The following FAM171A1 variants were observed in gnomAD, a reference collection of about 807,000 sequenced individuals.
FAM171A1 encodes family with sequence similarity 171 member A1.
FAM171A1 carries 23 observed loss-of-function variants against 74.9 expected under a neutral mutation model. The observed-to-expected ratio is 0.31, with a 90% CI of 0.22 to 0.44. The LOEUF (loss-of-function observed/expected upper bound fraction) is 0.44. Among genes scored for constraint, FAM171A1 ranks in the 20% least tolerant of loss-of-function variants. The pLI, the probability that FAM171A1 is intolerant of heterozygous loss-of-function variation, is 1.00. For missense variants in FAM171A1, 1,162 were observed against 1,159.2 expected (o/e 1.00, Z -0.03); for synonymous variants, 527 against 505.7 (o/e 1.04, Z -0.57).
chr10:15,288,226 G>A (rs562459028), intron 1 of FAM171A1, among the ~76,000 whole-genome samples: 2 of 152,262 alleles, frequency 1.3e-5, no homozygotes, highest in South Asian at 2.1e-4. Context: ...CTATAAACAT[G>A]CATATGCAAG....
intron 3 of FAM171A1, among the ~76,000 whole-genome samples, chr10:15,267,149 G>A (rs1834755165): frequency 1.3e-5 from 2 of 152,218 alleles, no homozygotes; most frequent in Non-Finnish European, 2.9e-5. Context: ...GGCTACTGCA[G>A]TGGTCTTGGT....
At chr10:15,314,105 G>A (rs752705631) in intron 1 of FAM171A1, among the ~76,000 whole-genome samples, 69 of 152,164 alleles carry the variant, frequency 4.5e-4, no homozygotes, top group Non-Finnish European at 8.4e-4. Flanking sequence ...AATGTGAAGC[G>A]TGACACGCCA....
chr10:15,265,252 C>T (rs944018664), intron 3 of FAM171A1, among the ~76,000 whole-genome samples: 16 of 150,122 alleles, frequency 1.1e-4, no homozygotes, highest in Non-Finnish European at 2.2e-4. Context: ...CGTGTGTGTG[C>T]GTGTGTGTGT....
intron 6 of FAM171A1, among the ~76,000 whole-genome samples, chr10:15,219,841 A>G (rs7078764): frequency 0.22 from 33,563 of 152,072 alleles, 3,942 homozygotes; most frequent in African/African-American, 0.3. Context: ...CGGCTTCCCA[A>G]AGTGCTGGGA....
chr10:15,270,154 C>A (rs1028927677), intron 3 of FAM171A1, among the ~76,000 whole-genome samples: 2 of 152,166 alleles, frequency 1.3e-5, no homozygotes, highest in Non-Finnish European at 2.9e-5. Context: ...CAGATGGTAC[C>A]TGGAAAATCG....
intron 1 of FAM171A1, among the ~76,000 whole-genome samples, chr10:15,333,741 T>C (rs1320123436): frequency 6.7e-6 from 1 of 149,966 alleles, no homozygotes; most frequent in Admixed American, 6.6e-5. Context: ...GGGACTGTCA[T>C]GGGAAGATTG....
intron 1 of FAM171A1, among the ~76,000 whole-genome samples, chr10:15,368,248 AGCCAAGCC>A (rs1836090662): frequency 1.3e-5 from 2 of 152,236 alleles, no homozygotes; most frequent in Admixed American, 1.3e-4. Flanking sequence ...GAGAGTCTGA[AGCCAAGCC>A]TCCAATTTTA....
intron 1 of FAM171A1, among the ~76,000 whole-genome samples, chr10:15,366,057 G>T (rs1836057329): frequency 6.6e-6 from 1 of 152,130 alleles, no homozygotes; most frequent in South Asian, 2.1e-4. Context: ...TTACACTGTA[G>T]AATTTCTTTT....
At chr10:15,301,360 ATATT>A (rs1397471601) in intron 1 of FAM171A1, among the ~76,000 whole-genome samples, 1 of 138,042 alleles carries the variant, frequency 7.2e-6, no homozygotes, top group African/African-American at 2.8e-5. Flanking sequence ...ATATATATAT[ATATT>A]TTTTTTTTTT....
At chr10:15,216,855 A>G (rs1011754083) in intron 6 of FAM171A1, among the ~76,000 whole-genome samples, 5 of 151,930 alleles carry the variant, frequency 3.3e-5, no homozygotes, top group Admixed American at 6.6e-5. Flanking sequence ...AAAACCCTAC[A>G]AAGTTTTATT....
chr10:15,264,869 A>G (rs764023292), intron 3 of FAM171A1, among the ~76,000 whole-genome samples: 1 of 151,758 alleles, frequency 6.6e-6, no homozygotes, highest in African/African-American at 2.4e-5. Flanking sequence ...CCATTTATTT[A>G]TCTACATGGT....
At chr10:15,262,707 T>G (rs986165434) in intron 3 of FAM171A1, among the ~76,000 whole-genome samples, 5 of 152,230 alleles carry the variant, frequency 3.3e-5, no homozygotes, top group African/African-American at 1.2e-4. Context: ...GAGTTTTGCT[T>G]TGAATGGCAA....
chr10:15,274,427 G>T (rs142202924), intron 3 of FAM171A1, among the ~76,000 whole-genome samples: 3,372 of 152,238 alleles, frequency 0.022, 125 homozygotes, highest in African/African-American at 0.078. Flanking sequence ...TCATGGATAG[G>T]AAAAATCAAT....
Position 15,212,960 on chromosome 10 carries a change from C to T in FAM171A1, c.2628G>A (p.Trp876Ter). The T allele has an allele frequency of 6.2e-7, 1 of 1,614,120 alleles. No homozygotes were observed. Among genetic ancestry groups the T allele is most frequent in the Non-Finnish European group, 8.5e-7 (1 of 1,180,030 alleles). Residue 876 changes from tryptophan to a stop codon, truncating the protein, a stop_gained, in exon 8 of 8, where the codon TGG (tryptophan) becomes TGA (stop). Coordinates refer to ENST00000378116, the MANE Select transcript of FAM171A1 (RefSeq NM_001010924.2). LOFTEE classifies it high-confidence loss of function. ...DDQGEDKKSP[W>*]QKREERPLMA... Reference sequence around the variant, plus strand: ...TCAGGGGCCTCTCCTCCCGTTTCTGCCAGGGGCTTTTCTTGTCTTCTCCTT... The same window carrying T: ...TCAGGGGCCTCTCCTCCCGTTTCTGTCAGGGGCTTTTCTTGTCTTCTCCTT...
At chr10:15,345,528 C>T (rs907513417) in intron 1 of FAM171A1, among the ~76,000 whole-genome samples, 3 of 151,974 alleles carry the variant, frequency 2.0e-5, no homozygotes, top group Non-Finnish European at 2.9e-5. Context: ...GCAGGGTGGC[C>T]GGGGAGTGAG....
chr10:15,357,377 A>C (rs1034831367), intron 1 of FAM171A1, among the ~76,000 whole-genome samples: 3 of 152,240 alleles, frequency 2.0e-5, no homozygotes, highest in Non-Finnish European at 1.5e-5. Flanking sequence ...ACCAGAGTAC[A>C]TAATGTCGAT....
intron 5 of FAM171A1, among the ~76,000 whole-genome samples, chr10:15,233,969 G>A (rs746054098): frequency 2.0e-5 from 3 of 151,624 alleles, no homozygotes; most frequent in African/African-American, 4.8e-5. Flanking sequence ...GGTGCTTTAC[G>A]TAAATGATCA....
chr10:15,233,693 G>A (rs34411517), intron 5 of FAM171A1, among the ~76,000 whole-genome samples: 5 of 152,238 alleles, frequency 3.3e-5, no homozygotes, highest in Admixed American at 1.3e-4. Flanking sequence ...CATGAGGTCA[G>A]GAGATGGAGA....
chr10:15,280,168 C>T lies in FAM171A1; in HGVS notation c.325+3710G>A, dbSNP rs191874320. Among the ~76,000 whole-genome samples, 60 of 152,248 alleles carry T rather than the reference C, an allele frequency of 3.9e-4. No individual in the cohort carries two copies. In the East Asian group the frequency reaches 6.9e-3, roughly 18 times the overall value. ...ACAGGGTAGAAATGGCAGACTCCTT[C>T]ACAGAATGACATGTTGCCCAGGGCG... On this transcript the variant is annotated intron_variant, in intron 2 of 7. Coordinates refer to ENST00000378116, the MANE Select transcript of FAM171A1 (RefSeq NM_001010924.2).
Sources: gnomAD v4.1 joint callset for allele counts (sites outside exome capture counted in the v4.1 genomes callset) on GRCh38, gnomAD v4.1.1 for gene constraint, MANE v1.5 for transcripts, NCBI Gene and HGNC (gene_info 2026-07-23, HGNC 2026-07-21) for gene names.